PANK1: variants seen among roughly 807,000 people sequenced by gnomAD.
PANK1 encodes the protein pantothenate kinase 1, also known as pantothenic acid kinase 1.
Under a neutral mutation model 40.1 loss-of-function variants are expected in PANK1, and 18 were observed. The observed-to-expected ratio is 0.45, with a 90% confidence interval of 0.31 to 0.67. PANK1 has a LOEUF of 0.67. PANK1 is among the 30% of genes least tolerant of loss of function. The probability of loss-of-function intolerance (pLI) is 0.06; values close to 1 mark genes in which losing one functional copy is unlikely to be tolerated. For synonymous variants in PANK1, 242 were observed against 237.7 expected (o/e 1.02, Z -0.17); for missense variants, 457 against 599.6 (o/e 0.76, Z 2.48).
In PANK1 at chr10:89,599,271, T is replaced by C. The variant is rs1454616110; in HGVS notation, c.880A>G (p.Lys294Glu). 1.9e-6 allele frequency: 3 copies of C among 1,613,972 alleles called. No homozygotes were observed. In the African/African-American group the frequency reaches 4.0e-5, roughly 22 times the overall value. The change falls in exon 3 of 7, where the codon AAA (lysine) becomes GAA (glutamate). Residue 294 changes from lysine (K) to glutamate (E), a missense_variant. Physicochemically the swap from Lys to Glu is moderately conservative, Grantham distance 56. Coordinates refer to ENST00000307534, the MANE Select transcript of PANK1 (RefSeq NM_148977.3). ...GTTTACCTGGTCCCTGTAACTCTTT[T>C]ATAGTTGTCCTTGGAGTACACGGCT... ...ILAVYSKDNYKRVTGTSLGGG... is the reference protein window; with the variant it reads ...ILAVYSKDNYERVTGTSLGGG...
At chr10:89,636,278 T>G (rs1841806549) in intron 1 of PANK1, among the ~76,000 whole-genome samples, 1 of 152,176 alleles carries the variant, frequency 6.6e-6, no homozygotes, top group Admixed American at 6.5e-5. Flanking sequence ...GTCTATGACA[T>G]TCTTTGGAAT....
At chr10:89,640,768 C>A (rs1234275497) in intron 1 of PANK1, among the ~76,000 whole-genome samples, 1 of 152,218 alleles carries the variant, frequency 6.6e-6, no homozygotes, top group African/African-American at 2.4e-5. Context: ...GTTTCCCCTA[C>A]TTATTCTGTC....
chr10:89,633,180 T>C (rs1163925392), intron 1 of PANK1, among the ~76,000 whole-genome samples: 1 of 152,094 alleles, frequency 6.6e-6, no homozygotes, highest in East Asian at 1.9e-4. Context: ...GTTATCAGCA[T>C]AAGGATACTG....
chr10:89,632,059 C>G (rs1330835409), intron 1 of PANK1, among the ~76,000 whole-genome samples: 1 of 151,418 alleles, frequency 6.6e-6, no homozygotes, highest in African/African-American at 2.4e-5. Context: ...CTGAGGTCTG[C>G]TTCAATATTA....
At chr10:89,642,981 T>C (rs1290865143) in intron 1 of PANK1, among the ~76,000 whole-genome samples, 1 of 152,228 alleles carries the variant, frequency 6.6e-6, no homozygotes, top group Non-Finnish European at 1.5e-5. Context: ...TTTTCTTGTA[T>C]TTTAAAATAA....
intron 2 of PANK1, among the ~76,000 whole-genome samples, chr10:89,605,593 T>C (rs1294408792): frequency 6.6e-6 from 1 of 152,238 alleles, no homozygotes; most frequent in Admixed American, 6.5e-5. Flanking sequence ...CTTCTGATTC[T>C]AGTTCTCTGG....
At chr10:89,620,158 A>T (rs1845436072) in intron 1 of PANK1, among the ~76,000 whole-genome samples, 1 of 152,220 alleles carries the variant, frequency 6.6e-6, no homozygotes, top group South Asian at 2.1e-4. Context: ...AACTGCACAA[A>T]TTGTTTATAA....
intron 1 of PANK1, among the ~76,000 whole-genome samples, chr10:89,639,508 T>A (rs1431183695): frequency 2.0e-5 from 3 of 152,204 alleles, no homozygotes; most frequent in African/African-American, 7.2e-5. Flanking sequence ...CACATTGGGT[T>A]CTTACTACAA....
In PANK1 at chr10:89,595,824, AAAAAAAAAAATATATATATATATATATAT is replaced by A. The variant is rs1186271801; in HGVS notation, c.900-1864_900-1836del. Among the ~76,000 whole-genome samples the A allele has an allele frequency of 1.7e-4, 9 of 52,722 alleles. No individual in the cohort carries two copies. In the East Asian group the frequency reaches 9.5e-3, roughly 56 times the overall value. 34.6% of individuals were successfully genotyped at this position (52,722 alleles called of 152,430 possible). A position where few individuals can be genotyped will look rare whatever the true frequency, so the allele number is the denominator to read the frequency against. On this transcript the variant is annotated intron_variant, in intron 3 of 6. Transcript: ENST00000307534. ...AGAGCCGGACTCCATCTTAAAAAAA[AAAAAAAAAAATATATATATATATATATAT>A]ATATATATATATATATATATAACTT...
intron 2 of PANK1, among the ~76,000 whole-genome samples, chr10:89,605,490 A>G (rs1236533031): frequency 6.6e-6 from 1 of 152,208 alleles, no homozygotes; most frequent in Non-Finnish European, 1.5e-5. Flanking sequence ...ATCTCAAGAA[A>G]CCATTTTCTT....
At chr10:89,598,304 T>TG (rs1219452482) in intron 3 of PANK1, among the ~76,000 whole-genome samples, 1 of 152,174 alleles carries the variant, frequency 6.6e-6, no homozygotes, top group African/African-American at 2.4e-5. Context: ...ATTTCAGTAC[T>TG]GGAAAAAGTC....
intron 5 of PANK1, 88 bp downstream of exon 5, chr10:89,593,109 T>C: frequency 7.8e-7 from 1 of 1,288,290 alleles, no homozygotes; most frequent in South Asian, 1.3e-5. Flanking sequence ...TAAGGATATG[T>C]AGTTGTGTAA....
intron 1 of PANK1, among the ~76,000 whole-genome samples, chr10:89,633,866 A>G (rs946552171): frequency 2.0e-5 from 3 of 152,224 alleles, no homozygotes; most frequent in African/African-American, 4.8e-5. Flanking sequence ...GACTACCCCA[A>G]GAAGTCATCC....
chr10:89,599,152 A>G, intron 3 of PANK1, 100 bp downstream of exon 3: 1 of 1,160,258 alleles, frequency 8.6e-7, no homozygotes, highest in Non-Finnish European at 1.2e-6. Context: ...GGAGGCCAAG[A>G]TATTTCTTTT....
rs567014118 is a variant in PANK1 at position 89,645,124 on chromosome 10, C to G, written c.-233G>C. The G allele has an allele frequency of 6.6e-7, 1 of 1,505,396 alleles. No individual in the cohort carries two copies. Among genetic ancestry groups the G allele is most frequent in the African/African-American group, 1.4e-5 (1 of 69,008 alleles). The allele number at this position is 1,505,396 out of a possible 1,614,324, so 93.3% of individuals were successfully genotyped here. A position where few individuals can be genotyped will look rare whatever the true frequency, so the allele number is the denominator to read the frequency against. ...CCCCACGGCGCCGGCCTGGAGCACG[C>G]CAGCCCCGGGCGCGGAATCGGGGAT... On this transcript the variant is annotated 5_prime_UTR_variant, in exon 1 of 7. Transcript: ENST00000307534.
In PANK1 at chr10:89,643,943, G is replaced by A. The variant is rs1483122659; in HGVS notation, c.292+657C>T. ...AACCCTCAACTCAACCTCCCCCTTC[G>A]TTGAAAAAAAAAATCCACCTCCAAT... On this transcript the variant is annotated intron_variant, in intron 1 of 6. Transcript: ENST00000307534. 6 of 1,168,780 alleles carry A rather than the reference G, an allele frequency of 5.1e-6. No individual in the cohort carries two copies. The East Asian group carries it at 1.7e-4, about 34-fold the overall frequency. 72.4% of individuals were successfully genotyped at this position (1,168,780 alleles called of 1,614,324 possible).
chr10:89,584,271 T>C lies in PANK1; in HGVS notation c.*135A>G, dbSNP rs779678662. 9 of 640,530 alleles carry C rather than the reference T, an allele frequency of 1.4e-5. No homozygotes were observed. Among genetic ancestry groups the C allele is most frequent in the Non-Finnish European group, 2.0e-5 (7 of 349,616 alleles). The allele number at this position is 640,530 out of a possible 1,614,324, so 39.7% of individuals were successfully genotyped here. ...AGTAAAAGATCATCTGGAAGGATTT[T>C]AAATTATTTACAAATCCAGCAGGTT... On this transcript the variant is annotated 3_prime_UTR_variant, in exon 7 of 7. Coordinates refer to ENST00000307534, the MANE Select transcript of PANK1 (RefSeq NM_148977.3).
rs1844331750 is a variant in PANK1, at chr10:89,590,070, GAT to G, written c.1201-1295_1201-1294del. Among the ~76,000 whole-genome samples, 7 of 149,678 alleles carry G rather than the reference GAT, an allele frequency of 4.7e-5. 1 individual carries two copies. The South Asian group carries it at 1.1e-3, about 23-fold the overall frequency. ...AAAAGAAAGAAAGAAAAGAAAAAGA[GAT>G]AGGGAAAAATATGGAAGAATTGGAA... On this transcript the variant is annotated intron_variant, in intron 5 of 6. Coordinates refer to ENST00000307534, the MANE Select transcript of PANK1 (RefSeq NM_148977.3).
rs1335159943 is a variant in PANK1 at position 89,584,212 on chromosome 10, TCCC to T, written c.*191_*193del. The stretch of plus-strand genomic sequence containing the variant: ...TATACAGAAAAAAAACCTTTTATAT[TCCC>T]CCGTTTTGAATCATTAGCTCAAAAC... On this transcript the variant is annotated 3_prime_UTR_variant, in exon 7 of 7. Coordinates refer to ENST00000307534, the MANE Select transcript of PANK1 (RefSeq NM_148977.3). 1 of 516,834 alleles carries T rather than the reference TCCC, an allele frequency of 1.9e-6. No homozygotes were observed. The highest frequency in any genetic ancestry group is 3.2e-5 in the Admixed American group (1 of 30,826). The allele number at this position is 516,834 out of a possible 1,614,324, so 32.0% of individuals were successfully genotyped here. A position where few individuals can be genotyped will look rare whatever the true frequency, so the allele number is the denominator to read the frequency against.
Sources: allele counts gnomAD v4.1 joint callset (sites outside exome capture counted in the v4.1 genomes callset), GRCh38; gene constraint gnomAD v4.1.1; transcripts MANE v1.5; gene names NCBI Gene and HGNC (gene_info 2026-07-23, HGNC 2026-07-21).